Variants in TUBA1C observed in about 807,000 individuals in gnomAD.
The protein encoded by TUBA1C is tubulin alpha-1C chain.
In TUBA1C, 16 loss-of-function variants were observed where a neutral mutation model predicts 34.9. The observed-to-expected ratio is 0.46, with a 90% confidence interval of 0.31 to 0.70. The LOEUF (loss-of-function observed/expected upper bound fraction) is 0.70, where lower values mean the gene tolerates loss of function less well. TUBA1C is among the 30% of genes least tolerant of loss of function. TUBA1C has a pLI of 0.05. For synonymous variants in TUBA1C, 177 were observed against 215.9 expected (o/e 0.82, Z 1.58); for missense variants, 329 against 587.3 (o/e 0.56, Z 4.55).
At chr12:49,255,405 A>AATATATATATATATATATATATAT (rs142218984) in intron 1 of TUBA1C, among the ~76,000 whole-genome samples, 5 of 141,314 alleles carry the variant, frequency 3.5e-5, no homozygotes, top group African/African-American at 5.1e-5. Context: ...ATCTTTAAAA[A>AATATATATATATATATATATATAT]ATATATATAT....
chr12:49,228,480 G>A (rs1203052359), intron 1 of TUBA1C, among the ~76,000 whole-genome samples: 1 of 152,064 alleles, frequency 6.6e-6, no homozygotes, highest in Non-Finnish European at 1.5e-5. Flanking sequence ...GAATATTTTA[G>A]TTTCTGAATC....
chr12:49,267,828 G>T (rs998808666), intron 1 of TUBA1C, among the ~76,000 whole-genome samples: 1 of 152,152 alleles, frequency 6.6e-6, no homozygotes, highest in African/African-American at 2.4e-5. Context: ...TGAGTAATTA[G>T]GGTTTTTATT....
At chr12:49,261,992 G>A (rs1276696624), upstream of TUBA1C, among the ~76,000 whole-genome samples, 1 of 152,136 alleles carries the variant, frequency 6.6e-6, no homozygotes, top group Non-Finnish European at 1.5e-5. Flanking sequence ...GAGCTCACAT[G>A]AACCCCACAA....
upstream of TUBA1C, among the ~76,000 whole-genome samples, chr12:49,264,502 G>A (rs1592284716): frequency 1.3e-5 from 2 of 152,072 alleles, no homozygotes; most frequent in Non-Finnish European, 2.9e-5. Flanking sequence ...CAGCCGGGGT[G>A]CCCGGCAGCC....
chr12:49,261,888 A>C (rs893612010), upstream of TUBA1C, among the ~76,000 whole-genome samples: 9 of 152,208 alleles, frequency 5.9e-5, no homozygotes, highest in African/African-American at 2.2e-4. Flanking sequence ...TTACAACGAA[A>C]GCCCCATCTG....
chr12:49,256,656 G>A, intron 1 of TUBA1C: 1 of 240,004 alleles, frequency 4.2e-6, no homozygotes, highest in East Asian at 9.3e-5. Context: ...TATGCTGGAG[G>A]GTAAGGAAAA....
At chr12:49,271,649 G>C (rs1942992950) in intron 3 of TUBA1C, among the ~76,000 whole-genome samples, 1 of 152,202 alleles carries the variant, frequency 6.6e-6, no homozygotes, top group Admixed American at 6.5e-5. Flanking sequence ...CAGTACCAGG[G>C]TGTTAGAACT....
At chr12:49,254,484 CAAAAAAAAA>C (rs764051406) in intron 1 of TUBA1C, among the ~76,000 whole-genome samples, 6 of 29,700 alleles carry the variant, frequency 2.0e-4, no homozygotes, top group East Asian at 9.3e-4. Flanking sequence ...TCCATCTAAA[CAAAAAAAAA>C]AAAAAAAAAA....
chr12:49,235,298 G>A (rs1942542196), intron 1 of TUBA1C, among the ~76,000 whole-genome samples: 1 of 151,792 alleles, frequency 6.6e-6, no homozygotes, highest in African/African-American at 2.4e-5. Flanking sequence ...AGATTTTTCT[G>A]CAAGCTTGGA....
At chr12:49,247,962 A>AG (rs1246959476) in intron 1 of TUBA1C, among the ~76,000 whole-genome samples, 39 of 147,512 alleles carry the variant, frequency 2.6e-4, no homozygotes, top group Admixed American at 9.5e-4. Context: ...AAAAAAAAAA[A>AG]AGAGAGAAAG....
chr12:49,246,796 T>C (rs1488187221), intron 1 of TUBA1C, among the ~76,000 whole-genome samples: 1 of 152,132 alleles, frequency 6.6e-6, no homozygotes, highest in African/African-American at 2.4e-5. Flanking sequence ...CCATCATTGG[T>C]CAACCAGGAG....
chr12:49,264,516 A>T (rs1942873899), upstream of TUBA1C: 1 of 151,974 alleles, frequency 6.6e-6, no homozygotes, highest in African/African-American at 2.4e-5. Context: ...GGCAGCCAGG[A>T]CTCCGAGGCG....
rs1032072657 is a variant in TUBA1C at position 49,274,426 on chromosome 12, C to G, written c.*1199C>G. ...GGATTACAGGAGTGAGCCACTACAC[C>G]TGGCCCCTAGATACGTTTTTTAATA... is the stretch of plus-strand genomic sequence containing the variant. On this transcript the variant is annotated 3_prime_UTR_variant, in exon 4 of 4. Transcript: ENST00000301072. 3 of 151,016 alleles carry G rather than the reference C, an allele frequency of 2.0e-5. No homozygotes were observed. Among genetic ancestry groups the G allele is most frequent in the African/African-American group, 7.3e-5 (3 of 40,970 alleles). The allele number at this position is 151,016 out of a possible 1,614,324, so 9.4% of individuals were successfully genotyped here.
intron 1 of TUBA1C, among the ~76,000 whole-genome samples, chr12:49,253,865 A>G (rs1942755180): frequency 1.3e-5 from 2 of 152,328 alleles, no homozygotes; most frequent in African/African-American, 4.8e-5. Flanking sequence ...TTGTCTAAAC[A>G]AAAGAAAGTG....
chr12:49,229,553 A>G (rs1241703767), intron 1 of TUBA1C, among the ~76,000 whole-genome samples: 1 of 152,154 alleles, frequency 6.6e-6, no homozygotes, highest in Non-Finnish European at 1.5e-5. Flanking sequence ...TATCTTGTAA[A>G]AAGACAAAGG....
At chr12:49,242,340 T>G (rs551666265) in intron 1 of TUBA1C, among the ~76,000 whole-genome samples, 1 of 152,188 alleles carries the variant, frequency 6.6e-6, no homozygotes, top group African/African-American at 2.4e-5. Context: ...AAAAATGTGG[T>G]TTGGAGCCAC....
chr12:49,229,158 G>A (rs2136981987), intron 1 of TUBA1C, among the ~76,000 whole-genome samples: 1 of 152,240 alleles, frequency 6.6e-6, no homozygotes, highest in African/African-American at 2.4e-5. Context: ...CCACTTTACT[G>A]CATGTTGCGA....
At chr12:49,240,377 T>C (rs901257412) in intron 1 of TUBA1C, among the ~76,000 whole-genome samples, 1 of 151,826 alleles carries the variant, frequency 6.6e-6, no homozygotes, top group Non-Finnish European at 1.5e-5. Context: ...GTCCCTCACA[T>C]TGAAATCCTG....
In TUBA1C at chr12:49,272,336, C is replaced by T; in HGVS notation, c.459C>T (p.Leu153=). The T allele has an allele frequency of 1.2e-6, 2 of 1,614,126 alleles. No homozygotes were observed. Among genetic ancestry groups the T allele is most frequent in the Non-Finnish European group, 1.7e-6 (2 of 1,180,020 alleles). Residue 153 remains leucine, a synonymous_variant, in exon 4 of 4, where the codon CTC becomes CTT. Transcript: ENST00000301072. ...GGTGSGFTSL[L]MERLSVDYGK... is the part of the protein sequence containing the mutation. ...CTGGTTCTGGGTTCACCTCGCTGCT[C>T]ATGGAACGTCTCTCAGTTGATTATG...
Sources: allele counts gnomAD v4.1 joint callset (sites outside exome capture counted in the v4.1 genomes callset), GRCh38; gene constraint gnomAD v4.1.1; transcripts MANE v1.5; gene names NCBI Gene and HGNC (gene_info 2026-07-23, HGNC 2026-07-21).